Variants in SLC41A2 observed in about 807,000 individuals in gnomAD.
SLC41A2 encodes solute carrier family 41 member 2.
SLC41A2 carries 32 observed loss-of-function variants against 58.3 expected under a neutral mutation model. The ratio of observed to expected loss-of-function variants is 0.55; its 90% CI spans 0.41 to 0.74. SLC41A2 has a LOEUF of 0.74. Among genes scored for constraint, SLC41A2 ranks in the 30% least tolerant of loss-of-function variants. The pLI is 0.00. For missense variants in SLC41A2, 514 were observed against 680.6 expected (o/e 0.76, Z 2.72); for synonymous variants, 190 against 235.0 (o/e 0.81, Z 1.75).
At chr12:104,895,458 G>A in intron 3 of SLC41A2, 113 bp from the exon 4 acceptor site, 2 of 708,826 alleles carry the variant, frequency 2.8e-6, no homozygotes, top group South Asian at 3.4e-5. Flanking sequence ...TAAATCCAAT[G>A]AGCTCACATT....
intron 4 of SLC41A2, 101 bp downstream of exon 4, chr12:104,895,173 T>C (rs2045218631): frequency 1.1e-5 from 8 of 752,382 alleles, no homozygotes; most frequent in Non-Finnish European, 1.8e-5. Context: ...CTGAAAACAA[T>C]TAAAGGGTAG....
intron 6 of SLC41A2, among the ~76,000 whole-genome samples, chr12:104,872,729 T>C (rs1178453710): frequency 6.6e-6 from 1 of 151,786 alleles, no homozygotes; most frequent in Non-Finnish European, 1.5e-5. Flanking sequence ...CAAGACTCTG[T>C]CTCCAAAAGA....
In SLC41A2 at chr12:104,909,762, G is replaced by T; in HGVS notation, c.556C>A (p.His186Asn). 6.4e-7 allele frequency: 1 copy of T among 1,558,806 alleles called. No homozygotes were observed. The highest frequency in any genetic ancestry group is 8.6e-7 in the Non-Finnish European group (1 of 1,157,310). ...GTAACTTTTCTGAACACCTCCCAGTGCTGTAAGAAAAAAAATAAAATAAAA... is the reference window on the plus strand; with the variant it reads ...GTAACTTTTCTGAACACCTCCCAGTTCTGTAAGAAAAAAAATAAAATAAAA... The part of the protein sequence containing the change: ...SAGMVLDIVQ[H>N]WEVFRKVTEV... The change falls in exon 3 of 11, where the codon CAC (histidine) becomes AAC (asparagine). Residue 186 changes from histidine (H) to asparagine (N), a missense_variant and splice_region_variant. This residue lies in a region of SLC41A2 where 336 missense variants were observed against 430.0 expected (regional missense o/e 0.78). Coordinates refer to ENST00000258538, the MANE Select transcript of SLC41A2 (RefSeq NM_001352171.3).
chr12:104,937,295 G>A (rs2047321263), intron 1 of SLC41A2, among the ~76,000 whole-genome samples: 1 of 152,168 alleles, frequency 6.6e-6, no homozygotes, highest in Non-Finnish European at 1.5e-5. Flanking sequence ...CTTACCCAGA[G>A]CAACTTCCAG....
intron 2 of SLC41A2, among the ~76,000 whole-genome samples, chr12:104,922,742 C>T (rs1387975506): frequency 5.3e-5 from 8 of 152,222 alleles, no homozygotes; most frequent in African/African-American, 7.2e-5. Context: ...TTCATCAGCA[C>T]GCAGAACATT....
intron 3 of SLC41A2, among the ~76,000 whole-genome samples, chr12:104,904,962 CCTG>C (rs2045756207): frequency 6.6e-6 from 1 of 152,092 alleles, no homozygotes; most frequent in African/African-American, 2.4e-5. Context: ...GCTCGGGTAG[CCTG>C]CTTTTATTCT....
intron 6 of SLC41A2, among the ~76,000 whole-genome samples, chr12:104,881,670 G>A (rs539367490): frequency 6.6e-6 from 1 of 152,312 alleles, no homozygotes; most frequent in African/African-American, 2.4e-5. Flanking sequence ...TTGCACTGTG[G>A]TCTGAGAGAT....
chr12:104,808,381 G>A (rs906582919), intron 10 of SLC41A2, among the ~76,000 whole-genome samples: 8 of 152,168 alleles, frequency 5.3e-5, no homozygotes, highest in African/African-American at 1.9e-4. Context: ...ATTGATTTGT[G>A]TATGTTGAAC....
At chr12:104,834,143 C>A in intron 10 of SLC41A2, 1 of 985,414 alleles carries the variant, frequency 1.0e-6, no homozygotes, top group Non-Finnish European at 1.2e-6. Flanking sequence ...GTCATTTCAT[C>A]TTCTGTGCAT....
intron 2 of SLC41A2, among the ~76,000 whole-genome samples, chr12:104,913,017 T>C (rs1333277662): frequency 6.6e-6 from 1 of 152,174 alleles, no homozygotes; most frequent in African/African-American, 2.4e-5. Context: ...TGCACGCCTA[T>C]AGGTTACTCC....
intron 3 of SLC41A2, among the ~76,000 whole-genome samples, chr12:104,896,717 A>C (rs2045302394): frequency 1.3e-5 from 2 of 152,194 alleles, no homozygotes; most frequent in Admixed American, 1.3e-4. Context: ...GGAGTTAAAG[A>C]ATGAGTGAGT....
At chr12:104,829,751 G>A (rs1028477932) in intron 10 of SLC41A2, among the ~76,000 whole-genome samples, 1 of 151,774 alleles carries the variant, frequency 6.6e-6, no homozygotes, top group African/African-American at 2.4e-5. Flanking sequence ...TAGCCTGCAG[G>A]GCAAATCTAG....
At chr12:104,840,339 G>C (rs1381222395) in intron 10 of SLC41A2, among the ~76,000 whole-genome samples, 1 of 152,136 alleles carries the variant, frequency 6.6e-6, no homozygotes, top group Non-Finnish European at 1.5e-5. Flanking sequence ...AGTATACTCT[G>C]CTTCTATGAA....
At chr12:104,932,233 G>A (rs1233007624) in intron 1 of SLC41A2, among the ~76,000 whole-genome samples, 2 of 151,774 alleles carry the variant, frequency 1.3e-5, no homozygotes, top group Admixed American at 6.6e-5. Flanking sequence ...AACTCTTCTC[G>A]CTGAATAATG....
chr12:104,913,393 A>G (rs2046167607), intron 2 of SLC41A2, among the ~76,000 whole-genome samples: 1 of 152,022 alleles, frequency 6.6e-6, no homozygotes, highest in Non-Finnish European at 1.5e-5. Flanking sequence ...AAAAGACTCC[A>G]CTGCTGATCT....
rs1446551440 is a variant in SLC41A2 at position 104,804,544 on chromosome 12, TTGCAGAGCTGAA to T, written c.*596_*607del. ...GTTTAAAGATTAGCCTGACAAGAAC[TTGCAGAGCTGAA>T]ATTGAATTGGCATCAGAACAGGATA... On this transcript the variant is annotated 3_prime_UTR_variant, in exon 11 of 11. Transcript: ENST00000258538. 1 of 152,224 alleles carries T rather than the reference TTGCAGAGCTGAA, an allele frequency of 6.6e-6. No individual in the cohort carries two copies. The highest frequency in any genetic ancestry group is 1.5e-5 in the Non-Finnish European group (1 of 68,036). The allele number at this position is 152,224 out of a possible 1,614,324, so 9.4% of individuals were successfully genotyped here.
At chr12:104,837,437 G>A (rs2042250486) in intron 10 of SLC41A2, among the ~76,000 whole-genome samples, 1 of 152,104 alleles carries the variant, frequency 6.6e-6, no homozygotes, top group Admixed American at 6.5e-5. Context: ...GTGGGTTCTT[G>A]CTCAACACCT....
intron 10 of SLC41A2, among the ~76,000 whole-genome samples, chr12:104,840,261 G>A (rs1451106549): frequency 6.6e-6 from 1 of 152,234 alleles, no homozygotes; most frequent in Non-Finnish European, 1.5e-5. Flanking sequence ...GTAAGTAGAT[G>A]TGAAGGCTGG....
intron 10 of SLC41A2, among the ~76,000 whole-genome samples, chr12:104,822,509 A>C (rs2041676459): frequency 6.6e-6 from 1 of 152,212 alleles, no homozygotes; most frequent in East Asian, 1.9e-4. Context: ...CACCAAAATT[A>C]TTTGTGATGA....
Sources: allele counts gnomAD v4.1 joint callset (sites outside exome capture counted in the v4.1 genomes callset), GRCh38; gene constraint gnomAD v4.1.1; regional missense constraint gnomAD v4.1.1; transcripts MANE v1.5; gene names NCBI Gene and HGNC (gene_info 2026-07-23, HGNC 2026-07-21).